The following TFAP2A variants were observed in gnomAD, a reference collection of about 807,000 sequenced individuals.
TFAP2A encodes transcription factor AP-2 alpha.
Under a neutral mutation model 41.5 loss-of-function variants are expected in TFAP2A, and 7 were observed. The observed-to-expected ratio is 0.17, with a 90% CI of 0.10 to 0.32. The LOEUF is 0.32. TFAP2A is among the 10% of genes least tolerant of loss of function. The pLI is 1.00. For missense variants in TFAP2A, 416 were observed against 563.3 expected (o/e 0.74, Z 2.65); for synonymous variants, 247 against 242.8 (o/e 1.02, Z -0.16).
At chr6:10,409,216 T>C (rs1421147216) in intron 2 of TFAP2A, 3 of 152,270 alleles carry the variant, frequency 2.0e-5, no homozygotes, top group Non-Finnish European at 4.4e-5. Context: ...ACTCAAATAA[T>C]GTATTACCCA....
chr6:10,407,955 G>A (rs1757791525), intron 2 of TFAP2A: 1 of 152,190 alleles, frequency 6.6e-6, no homozygotes, highest in Non-Finnish European at 1.5e-5. Context: ...CAGTTCTTGT[G>A]TTTTAACTAT....
In TFAP2A at chr6:10,404,716, T is replaced by C. The variant is rs201296512; in HGVS notation, c.562A>G (p.Asn188Asp). 1 of 1,614,152 alleles carries C rather than the reference T, an allele frequency of 6.2e-7. No individual in the cohort carries two copies. Among genetic ancestry groups the C allele is most frequent in the African/African-American group, 1.3e-5 (1 of 75,044 alleles). ...GGGATGGCGGAGACGGCATTGCTGT[T>C]GGACTTGGACAGGGACACGGGGCCT... ...KKGPVSLSKSNSNAVSAIPIN... is the reference protein window; with the variant it reads ...KKGPVSLSKSDSNAVSAIPIN... Residue 188 changes from asparagine (N) to aspartate (D), a missense_variant, in exon 4 of 7, where the codon AAC becomes GAC. Asn to Asp is a conservative substitution (Grantham distance 23). Coordinates refer to ENST00000379613, the MANE Select transcript of TFAP2A (RefSeq NM_001372066.1).
intron 1 of TFAP2A, among the ~76,000 whole-genome samples, chr6:10,411,173 G>A (rs1483802709): frequency 6.6e-6 from 1 of 151,248 alleles, no homozygotes; most frequent in Non-Finnish European, 1.5e-5. Flanking sequence ...GCGAACCCTC[G>A]GCGGTTCGGC....
intron 1 of TFAP2A, chr6:10,412,252 G>C: frequency 1.0e-6 from 1 of 987,652 alleles, no homozygotes; most frequent in Non-Finnish European, 1.2e-6. Flanking sequence ...GCGGCGTCTG[G>C]CGAATCACAG....
At chr6:10,417,229 C>T (rs1758278402), upstream of TFAP2A, 1 of 152,588 alleles carries the variant, frequency 6.6e-6, no homozygotes, top group East Asian at 1.9e-4. Flanking sequence ...AAAGGCCGCC[C>T]TCCATCCTCT....
chr6:10,418,845 T>C (rs1381228986), upstream of TFAP2A, among the ~76,000 whole-genome samples: 1 of 152,104 alleles, frequency 6.6e-6, no homozygotes, highest in African/African-American at 2.4e-5. Flanking sequence ...AAACTTTGTA[T>C]CTCCTACAGA....
chr6:10,419,322 T>G, upstream of TFAP2A: 1 of 1,467,538 alleles, frequency 6.8e-7, no homozygotes, highest in Non-Finnish European at 9.5e-7. Context: ...TCCCCTGCCC[T>G]GGGCCACGGC....
chr6:10,407,098 G>C lies in TFAP2A; in HGVS notation c.487-254C>G, dbSNP rs1311881386. The C allele has an allele frequency of 7.1e-5, 38 of 534,248 alleles. No homozygotes were observed. The East Asian group carries it at 1.2e-3, about 17-fold the overall frequency. The allele number at this position is 534,248 out of a possible 1,614,324, so 33.1% of individuals were successfully genotyped here. ...CATGTTTAAAAGGGGTGGAGATGGG[G>C]AATAAAACTTTCTTTGGAAATTAAA... On this transcript the variant is annotated intron_variant, in intron 2 of 6. Coordinates refer to ENST00000379613, the MANE Select transcript of TFAP2A (RefSeq NM_001372066.1).
At chr6:10,400,644 T>C in intron 5 of TFAP2A, 55 bp from the exon 6 acceptor site, 1 of 1,584,444 alleles carries the variant, frequency 6.3e-7, no homozygotes. Flanking sequence ...GTGGGGATCC[T>C]AACTTCCTCC....
chr6:10,406,894 G>A, intron 2 of TFAP2A, 50 bp from the exon 3 acceptor site: 1 of 1,438,116 alleles, frequency 7.0e-7, no homozygotes, highest in Non-Finnish European at 9.8e-7. Context: ...AAAACAAAAG[G>A]AAATGAATAT....
Position 10,402,376 on chromosome 6 carries a change from C to T in TFAP2A, c.889+116G>A, listed in dbSNP as rs892350606. On this transcript the variant is annotated intron_variant, in intron 5 of 6. Coordinates refer to ENST00000379613, the MANE Select transcript of TFAP2A (RefSeq NM_001372066.1). ...AATTCCATTCACATCTGGCTATATTCTCTGCAAAGATGAAACTGCCCAACT... is the reference window on the plus strand; with the variant it reads ...AATTCCATTCACATCTGGCTATATTTTCTGCAAAGATGAAACTGCCCAACT... The T allele has an allele frequency of 3.5e-5, 29 of 827,768 alleles. No homozygotes were observed. In the Admixed American group the frequency reaches 4.3e-4, roughly 12 times the overall value. The allele number at this position is 827,768 out of a possible 1,614,324, so 51.3% of individuals were successfully genotyped here. A position where few individuals can be genotyped will look rare whatever the true frequency, so the allele number is the denominator to read the frequency against.
In TFAP2A at chr6:10,398,708, G is replaced by C. The variant is rs1485223369; in HGVS notation, c.1032-3C>G. The C allele has an allele frequency of 6.2e-7, 1 of 1,613,984 alleles. No individual in the cohort carries two copies. Among genetic ancestry groups the C allele is most frequent in the South Asian group, 1.1e-5 (1 of 91,084 alleles). ...CGGTGAACTCTTTGCATATCTGTCT[G>C]CAGCACAAGTGGAGCAGAGAGAGAG... On this transcript the variant is annotated splice_region_variant and splice_polypyrimidine_tract_variant and intron_variant, in intron 6 of 6. Coordinates refer to ENST00000379613, the MANE Select transcript of TFAP2A (RefSeq NM_001372066.1). This position sits in a 1 kb window ranked among gnomAD's most constrained non-coding sequence, Gnocchi z 5.3.
At position 10,411,942 on chromosome 6, in the gene TFAP2A, G is replaced by C; in HGVS notation, c.52-1607C>G. 6.2e-6 allele frequency: 7 copies of C among 1,137,202 alleles called. No individual in the cohort carries two copies. The South Asian group carries it at 1.7e-4, about 27-fold the overall frequency. 70.4% of individuals were successfully genotyped at this position (1,137,202 alleles called of 1,614,324 possible). A position where few individuals can be genotyped will look rare whatever the true frequency, so the allele number is the denominator to read the frequency against. On this transcript the variant is annotated intron_variant, in intron 1 of 6. Transcript: ENST00000379613. ...TGGGTGCGTGCGTGTTCCTTAATCC[G>C]TGTCTCCCCCTCTTTTCTTAGCGGC...
chr6:10,414,561 C>G, intron 1 of TFAP2A: 1 of 407,240 alleles, frequency 2.5e-6, no homozygotes, highest in Admixed American at 3.7e-5. Context: ...TCTTTCCTTT[C>G]TGTTCCTGGT....
chr6:10,407,046 C>T, intron 2 of TFAP2A: 1 of 600,362 alleles, frequency 1.7e-6, no homozygotes, highest in Non-Finnish European at 3.0e-6. Flanking sequence ...CACCCATGGC[C>T]AATTTCTCCT....
chr6:10,408,701 G>A (rs1757823416), intron 2 of TFAP2A, among the ~76,000 whole-genome samples: 1 of 152,130 alleles, frequency 6.6e-6, no homozygotes, highest in African/African-American at 2.4e-5. Context: ...TCCATGCAAG[G>A]GCTGCTAAAC....
chr6:10,411,998 G>GA (rs1757992468), intron 1 of TFAP2A: 2 of 1,078,278 alleles, frequency 1.9e-6, no homozygotes, highest in South Asian at 5.9e-5. Context: ...TAACCGCGCT[G>GA]GGCAGCGTTC....
At chr6:10,414,887 G>C in intron 1 of TFAP2A, 54 bp downstream of exon 1, 1 of 1,611,646 alleles carries the variant, frequency 6.2e-7, no homozygotes, top group Non-Finnish European at 8.5e-7. Flanking sequence ...GGAGAGGGAG[G>C]GTCAAGCTCG....
At position 10,404,588 on chromosome 6, in the gene TFAP2A, C is replaced by T. The variant is rs1319837727; in HGVS notation, c.690G>A (p.Lys230=). 2 of 1,614,042 alleles carry T rather than the reference C, an allele frequency of 1.2e-6. No homozygotes were observed. The highest frequency in any genetic ancestry group is 1.7e-6 in the Non-Finnish European group (2 of 1,180,010). The change falls in exon 4 of 7, where the codon AAG becomes AAA. Residue 230 remains lysine, a synonymous_variant. Coordinates refer to ENST00000379613, the MANE Select transcript of TFAP2A (RefSeq NM_001372066.1). ...LSLLSSTSKY[K]VTVAEVQRRL... Reference sequence around the variant, plus strand: ...GCCGCTGCACTTCCGCCACCGTGACCTTGTACTTCGAGGTGGAGCTGAGGA... The same window carrying T: ...GCCGCTGCACTTCCGCCACCGTGACTTTGTACTTCGAGGTGGAGCTGAGGA...
Sources: allele counts gnomAD v4.1 joint callset (sites outside exome capture counted in the v4.1 genomes callset), GRCh38; gene constraint gnomAD v4.1.1; non-coding constraint Gnocchi (gnomAD v3.1); transcripts MANE v1.5; gene names NCBI Gene and HGNC (gene_info 2026-07-23, HGNC 2026-07-21).